Variants in GABRG3 observed in about 807,000 individuals in gnomAD.
GABRG3 encodes the protein gamma-aminobutyric acid receptor subunit gamma-3.
In GABRG3, 25 loss-of-function variants were observed where a neutral mutation model predicts 48.8. That is an observed-to-expected ratio of 0.51 (90% CI 0.37 to 0.72). GABRG3 has a LOEUF of 0.72. Among genes scored for constraint, GABRG3 ranks in the 30% least tolerant of loss-of-function variants. The probability of loss-of-function intolerance (pLI) is 0.00; values close to 1 mark genes in which losing one functional copy is unlikely to be tolerated. For missense variants in GABRG3, 394 were observed against 577.9 expected, an observed-to-expected ratio of 0.68 and a Z score of 3.26; for synonymous variants, 227 against 217.6, an observed-to-expected ratio of 1.04 and a Z score of -0.38.
At chr15:27,317,051 T>C (rs1412449519) in intron 3 of GABRG3, among the ~76,000 whole-genome samples, 1 of 152,232 alleles carries the variant, frequency 6.6e-6, no homozygotes, top group South Asian at 2.1e-4. Context: ...TGATTTGTCT[T>C]TCTAGGTCAG....
At chr15:27,509,760 C>T (rs1890853594) in intron 6 of GABRG3, among the ~76,000 whole-genome samples, 1 of 152,118 alleles carries the variant, frequency 6.6e-6, no homozygotes, top group Admixed American at 6.5e-5. Flanking sequence ...ACCAAATCAC[C>T]TCTTTGGTCT....
intron 5 of GABRG3, among the ~76,000 whole-genome samples, chr15:27,427,862 C>T (rs2140619663): frequency 6.6e-6 from 1 of 152,174 alleles, no homozygotes; most frequent in Admixed American, 6.5e-5. Context: ...ATTTCAACTT[C>T]TCTGCAATTT....
At chr15:27,080,301 A>G (rs1425898854) in intron 3 of GABRG3, among the ~76,000 whole-genome samples, 1 of 151,942 alleles carries the variant, frequency 6.6e-6, no homozygotes, top group Non-Finnish European at 1.5e-5. Context: ...TAAATAAATA[A>G]ATAAATAAAA....
chr15:27,206,787 C>T (rs1190553500), intron 3 of GABRG3, among the ~76,000 whole-genome samples: 3 of 152,030 alleles, frequency 2.0e-5, no homozygotes, highest in African/African-American at 7.2e-5. Context: ...TTGAATGGAA[C>T]CCTTTATTAT....
chr15:27,141,038 C>G (rs772407242), intron 3 of GABRG3, among the ~76,000 whole-genome samples: 1 of 152,012 alleles, frequency 6.6e-6, no homozygotes, highest in Non-Finnish European at 1.5e-5. Flanking sequence ...TTCTGTGGTT[C>G]CCTATACAGA....
At chr15:27,004,523 A>T (rs1257830586) in intron 2 of GABRG3, among the ~76,000 whole-genome samples, 1 of 129,120 alleles carries the variant, frequency 7.7e-6, no homozygotes, top group Non-Finnish European at 1.7e-5. Context: ...AGGCAGAGAC[A>T]CTCCTCACTT....
At chr15:27,335,675 G>T (rs1281105652) in intron 5 of GABRG3, among the ~76,000 whole-genome samples, 1 of 152,096 alleles carries the variant, frequency 6.6e-6, no homozygotes. Flanking sequence ...GGGAGTGGGG[G>T]GAGGAGAGAA....
At chr15:27,002,656 C>T (rs1460313182) in intron 2 of GABRG3, among the ~76,000 whole-genome samples, 1 of 149,014 alleles carries the variant, frequency 6.7e-6, no homozygotes, top group Non-Finnish European at 1.5e-5. Flanking sequence ...TGTCTATCAT[C>T]TCAGCACTTT....
At chr15:27,516,018 C>T (rs892579899) in intron 6 of GABRG3, among the ~76,000 whole-genome samples, 4 of 150,090 alleles carry the variant, frequency 2.7e-5, no homozygotes, top group Non-Finnish European at 5.9e-5. Flanking sequence ...AAACAGAAAC[C>T]TAGAATTTAA....
intron 3 of GABRG3, among the ~76,000 whole-genome samples, chr15:27,143,775 G>C (rs558160037): frequency 6.6e-6 from 1 of 152,246 alleles, no homozygotes; most frequent in Non-Finnish European, 1.5e-5. Context: ...GTAACAACTT[G>C]GATTGCTAAC....
intron 3 of GABRG3, among the ~76,000 whole-genome samples, chr15:27,060,445 G>A (rs1368398245): frequency 1.3e-5 from 2 of 152,236 alleles, no homozygotes; most frequent in Admixed American, 6.5e-5. Context: ...AACAGACTGT[G>A]TCATTATCAC....
chr15:27,460,271 A>G (rs566074150), intron 5 of GABRG3, among the ~76,000 whole-genome samples: 1 of 152,350 alleles, frequency 6.6e-6, no homozygotes, highest in East Asian at 1.9e-4. Context: ...CTAAAAGCAG[A>G]GTAAAAACTT....
rs540219410 is a variant in GABRG3, at chr15:27,461,858, CT to C, written c.575-18787del. ...AGCCAAAAACAGTGTAGAGAGACTTCTTTTTCACCACTTTTGTCTACACTGG... is the reference window on the plus strand; with the variant it reads ...AGCCAAAAACAGTGTAGAGAGACTTCTTTTCACCACTTTTGTCTACACTGG... On this transcript the variant is annotated intron_variant, in intron 5 of 9. Coordinates refer to ENST00000615808, the MANE Select transcript of GABRG3 (RefSeq NM_033223.5). 2.3e-3 allele frequency among the ~76,000 whole-genome samples: 355 copies of C among 152,254 alleles called. 2 individuals carry two copies. The highest frequency in any genetic ancestry group is 3.7e-3 in the Non-Finnish European group (254 of 68,002).
At chr15:27,001,414 G>A (rs888978136) in intron 2 of GABRG3, among the ~76,000 whole-genome samples, 2 of 152,172 alleles carry the variant, frequency 1.3e-5, no homozygotes, top group African/African-American at 4.8e-5. Flanking sequence ...GACACATTAG[G>A]TGTGTCCAAC....
chr15:27,464,649 G>A (rs531304873), intron 5 of GABRG3, among the ~76,000 whole-genome samples: 51 of 152,188 alleles, frequency 3.4e-4, no homozygotes, highest in Admixed American at 2.4e-3. Context: ...TAAAATCCTA[G>A]CCATCCTAGC....
chr15:27,127,917 C>T (rs1163951928), intron 3 of GABRG3, among the ~76,000 whole-genome samples: 4 of 152,184 alleles, frequency 2.6e-5, no homozygotes, highest in Admixed American at 2.0e-4. Context: ...CTGCTCTGTC[C>T]TGTGAGCCAG....
At chr15:27,287,834 G>C (rs931150255) in intron 3 of GABRG3, among the ~76,000 whole-genome samples, 4 of 151,172 alleles carry the variant, frequency 2.6e-5, no homozygotes, top group Non-Finnish European at 5.9e-5. Flanking sequence ...CGCCTCCTGG[G>C]TTCATACCAT....
At chr15:27,480,004 G>A (rs11630517) in intron 5 of GABRG3, among the ~76,000 whole-genome samples, 10,223 of 152,318 alleles carry the variant, frequency 0.067, 411 homozygotes, top group Non-Finnish European at 0.089. Flanking sequence ...GACAGTGCCC[G>A]CAGGAGCGGG....
intron 3 of GABRG3, among the ~76,000 whole-genome samples, chr15:27,231,009 ATGTGTGTGTGTGTG>A (rs3068361): frequency 5.6e-5 from 8 of 143,406 alleles, no homozygotes; most frequent in African/African-American, 7.7e-5. Flanking sequence ...AAACAGTAAA[ATGTGTGTGTGTGTG>A]TGTGTGTGTG....
Sources: gnomAD v4.1 joint callset for allele counts (sites outside exome capture counted in the v4.1 genomes callset) on GRCh38, gnomAD v4.1.1 for gene constraint, MANE v1.5 for transcripts, NCBI Gene and HGNC (gene_info 2026-07-23, HGNC 2026-07-21) for gene names.